The following PON3 variants were observed in gnomAD, a reference collection of about 807,000 sequenced individuals.
The protein encoded by PON3 is serum paraoxonase/lactonase 3.
A neutral mutation model predicts 36.3 loss-of-function variants in PON3; 37 were observed. The observed-to-expected ratio is 1.02, with a 90% confidence interval of 0.78 to 1.34. PON3 has a LOEUF of 1.34. PON3 is among the 40% of genes most tolerant of loss of function. The pLI is 0.00. For missense variants in PON3, 415 were observed against 426.5 expected, an observed-to-expected ratio of 0.97 and a Z score of 0.24; for synonymous variants, 155 against 154.8, an observed-to-expected ratio of 1.00 and a Z score of -0.01.
chr7:95,392,306 C>T (rs1251469375), intron 2 of PON3, among the ~76,000 whole-genome samples: 1 of 152,176 alleles, frequency 6.6e-6, no homozygotes, highest in Non-Finnish European at 1.5e-5. Context: ...ACTATTTAAG[C>T]CATTTTCTTC....
intron 3 of PON3, among the ~76,000 whole-genome samples, chr7:95,374,364 A>G (rs943385703): frequency 3.3e-5 from 5 of 151,884 alleles, no homozygotes; most frequent in African/African-American, 1.2e-4. Flanking sequence ...CTCTGTTCTT[A>G]GATTAAATCC....
chr7:95,381,841 C>T (rs1809062422), intron 3 of PON3, among the ~76,000 whole-genome samples: 1 of 152,188 alleles, frequency 6.6e-6, no homozygotes. Context: ...TTCAGCTCTG[C>T]ACCAAGCAGA....
chr7:95,362,657 T>G (rs1808598212), intron 7 of PON3, 103 bp downstream of exon 7: 1 of 1,376,202 alleles, frequency 7.3e-7, no homozygotes, highest in Non-Finnish European at 1.0e-6. Flanking sequence ...CTGGCATTGC[T>G]CTCAAATAGC....
chr7:95,384,931 T>C (rs1003294651), intron 3 of PON3, among the ~76,000 whole-genome samples: 1 of 152,174 alleles, frequency 6.6e-6, no homozygotes, highest in African/African-American at 2.4e-5. Flanking sequence ...CTACTCACAA[T>C]AGCAAAGACT....
chr7:95,376,298 G>A lies in PON3; in HGVS notation c.202-3960C>T, dbSNP rs115337245. On this transcript the variant is annotated intron_variant, in intron 3 of 8. Transcript: ENST00000265627. ...TTGGAGTCAAAGAGAAGCATGTCAAGTCCCAAGGCAGGGAAGAAAATATCC... is the reference window on the plus strand; with the variant it reads ...TTGGAGTCAAAGAGAAGCATGTCAAATCCCAAGGCAGGGAAGAAAATATCC... Among the ~76,000 whole-genome samples, 967 of 152,290 alleles carry A rather than the reference G, an allele frequency of 6.3e-3. 8 individuals carry two copies. The highest frequency in any genetic ancestry group is 0.022 in the African/African-American group (921 of 41,556).
At position 95,380,897 on chromosome 7, in the gene PON3, T is replaced by C. The variant is rs1284669026; in HGVS notation, c.202-8559A>G. The stretch of plus-strand genomic sequence containing the variant: ...AGAACAGCAACTCCAAGACACATAA[T>C]TGTCAGATTCACCAAGGTTGAAATG... On this transcript the variant is annotated intron_variant, in intron 3 of 8. Coordinates refer to ENST00000265627, the MANE Select transcript of PON3 (RefSeq NM_000940.3). Among the ~76,000 whole-genome samples, 4 of 152,118 alleles carry C rather than the reference T, an allele frequency of 2.6e-5. 1 individual carries two copies. The highest frequency in any genetic ancestry group is 5.9e-5 in the Non-Finnish European group (4 of 68,024).
At position 95,372,231 on chromosome 7, in the gene PON3, A is replaced by G; in HGVS notation, c.309T>C (p.Ser103=). The G allele has an allele frequency of 6.2e-7, 1 of 1,613,860 alleles. No individual in the cohort carries two copies. Among genetic ancestry groups the G allele is most frequent in the Non-Finnish European group, 8.5e-7 (1 of 1,179,798 alleles). The part of the protein sequence containing the change: ...QNPRAQALEI[S]GGFDKELFNP... The stretch of plus-strand genomic sequence containing the variant: ...TAAATAATTCTTTGTCAAATCCACC[A>G]CTGATTTCTAGCGCTTGTGCCCTTG... Residue 103 remains serine (S), a synonymous_variant, in exon 4 of 9, where the codon AGT becomes AGC. Transcript: ENST00000265627.
intron 6 of PON3, 175 bp downstream of exon 6, chr7:95,363,688 A>C: frequency 1.4e-6 from 1 of 696,812 alleles, no homozygotes; most frequent in South Asian, 1.7e-5. Context: ...CTAAAGTCCA[A>C]GGAAACAAAT....
Position 95,394,640 on chromosome 7 carries a change from A to T in PON3, c.145+4T>A. On this transcript the variant is annotated splice_donor_region_variant and intron_variant, in intron 2 of 8. Transcript: ENST00000265627. ...GGCTCCTCTTGGTACTGTCACATAC[A>T]TACCAAGTTCCTCAATAAGGTGGCA... 6.2e-7 allele frequency: 1 copy of T among 1,612,830 alleles called. No homozygotes were observed. The highest frequency in any genetic ancestry group is 8.5e-7 in the Non-Finnish European group (1 of 1,178,808).
chr7:95,362,917 T>C, intron 6 of PON3, 76 bp from the exon 7 acceptor site: 1 of 1,073,186 alleles, frequency 9.3e-7, no homozygotes. Flanking sequence ...GGAGAAGAGG[T>C]ATAAAAATGC....
intron 2 of PON3, among the ~76,000 whole-genome samples, chr7:95,393,054 C>T (rs1809353891): frequency 6.6e-6 from 1 of 152,210 alleles, no homozygotes; most frequent in Non-Finnish European, 1.5e-5. Context: ...CAGCTGCTAG[C>T]ACAAACCACC....
intron 3 of PON3, among the ~76,000 whole-genome samples, chr7:95,384,903 C>T (rs1437899064): frequency 6.6e-6 from 1 of 152,116 alleles, no homozygotes; most frequent in Non-Finnish European, 1.5e-5. Flanking sequence ...CACATGCACA[C>T]GTATGTTTAT....
intron 3 of PON3, chr7:95,377,623 C>A (rs1426060314): frequency 4.9e-6 from 2 of 410,014 alleles, no homozygotes; most frequent in Non-Finnish European, 4.9e-6. Context: ...ACTGGTGATA[C>A]CCAGGCAAAC....
In PON3 at chr7:95,362,237, T is replaced by C. The variant is rs543587126; in HGVS notation, c.906+125A>G. 39 of 1,298,354 alleles carry C rather than the reference T, an allele frequency of 3.0e-5. No individual in the cohort carries two copies. In the African/African-American group the frequency reaches 5.1e-4, roughly 17 times the overall value. 80.4% of individuals were successfully genotyped at this position (1,298,354 alleles called of 1,614,324 possible). Reference sequence around the variant, plus strand: ...CCCTACCTGTCAAAAACTTTACTTTTCTCATACGTAAAATTTCTTTAGTTC... The same window carrying C: ...CCCTACCTGTCAAAAACTTTACTTTCCTCATACGTAAAATTTCTTTAGTTC... On this transcript the variant is annotated intron_variant, in intron 8 of 8. Coordinates refer to ENST00000265627, the MANE Select transcript of PON3 (RefSeq NM_000940.3).
rs540407184 is a variant in PON3, at chr7:95,373,253, C to G, written c.202-915G>C. On this transcript the variant is annotated intron_variant, in intron 3 of 8. Coordinates refer to ENST00000265627, the MANE Select transcript of PON3 (RefSeq NM_000940.3). ...TTCACCTTGTCTTTCTGCCTCTTTC[C>G]CTCTCCCTGTCCTTTCTACACACAC... Among the ~76,000 whole-genome samples, 3 of 152,166 alleles carry G rather than the reference C, an allele frequency of 2.0e-5. No individual in the cohort carries two copies. The South Asian group carries it at 6.2e-4, about 32-fold the overall frequency.
Position 95,362,498 on chromosome 7 carries a change from CA to C in PON3, c.778-9del. ...GGTGCCCAACTGTATCACCTTACAA[CA>C]AAGAGGGAGTAGTGAAGACATTGTC... On this transcript the variant is annotated splice_polypyrimidine_tract_variant and intron_variant, in intron 7 of 8. Coordinates refer to ENST00000265627, the MANE Select transcript of PON3 (RefSeq NM_000940.3). The C allele has an allele frequency of 6.2e-7, 1 of 1,613,536 alleles. No homozygotes were observed. Among genetic ancestry groups the C allele is most frequent in the Non-Finnish European group, 8.5e-7 (1 of 1,179,728 alleles).
intron 5 of PON3, 23 bp downstream of exon 5, chr7:95,367,339 C>T (rs376157171): frequency 7.6e-5 from 123 of 1,608,592 alleles, no homozygotes; most frequent in Non-Finnish European, 9.8e-5. Flanking sequence ...TAAATAGAAC[C>T]GCACAATACT....
chr7:95,379,599 C>T (rs565123102), intron 3 of PON3, among the ~76,000 whole-genome samples: 2 of 152,236 alleles, frequency 1.3e-5, no homozygotes, highest in Non-Finnish European at 2.9e-5. Context: ...TGGAGCCTTG[C>T]TCATTGCTAG....
rs778663275 is a variant in PON3 at position 95,364,076 on chromosome 7, G to C, written c.495-13C>G. 6.2e-7 allele frequency: 1 copy of C among 1,609,638 alleles called. No homozygotes were observed. The highest frequency in any genetic ancestry group is 8.5e-7 in the Non-Finnish European group (1 of 1,176,120). On this transcript the variant is annotated splice_polypyrimidine_tract_variant and intron_variant, in intron 5 of 8. Transcript: ENST00000265627. The stretch of plus-strand genomic sequence containing the variant: ...AATGTCATTCACACTAAAGTGAAAG[G>C]GAGGTGGAAAAAGAGACCCATGAGG...
Sources: gnomAD v4.1 joint callset for allele counts (sites outside exome capture counted in the v4.1 genomes callset) on GRCh38, gnomAD v4.1.1 for gene constraint, MANE v1.5 for transcripts, NCBI Gene and HGNC (gene_info 2026-07-23, HGNC 2026-07-21) for gene names.